The following TK2 variants were observed in gnomAD, a reference collection of about 807,000 sequenced individuals.
TK2 encodes the protein thymidine kinase 2, mitochondrial.
TK2 carries 35 observed loss-of-function variants against 41.9 expected under a neutral mutation model. The ratio of observed to expected loss-of-function variants is 0.84; its 90% CI spans 0.64 to 1.11. The LOEUF is 1.11. Ranked by LOEUF, TK2 falls within the 50% of genes least tolerant of loss-of-function variation. TK2 has a pLI of 0.00. For synonymous variants in TK2, 128 were observed against 129.1 expected, an observed-to-expected ratio of 0.99 and a Z score of 0.06; for missense variants, 320 against 351.1, an observed-to-expected ratio of 0.91 and a Z score of 0.71.
intron 6 of TK2, among the ~76,000 whole-genome samples, chr16:66,525,674 G>C (rs746435001): frequency 2.6e-5 from 4 of 152,188 alleles, no homozygotes; most frequent in Non-Finnish European, 5.9e-5. Context: ...TGCCCACTGA[G>C]AGCCTTTGGC....
intron 1 of TK2, 168 bp from the exon 2 acceptor site, chr16:66,549,177 C>T (rs1965702061): frequency 5.4e-6 from 8 of 1,481,220 alleles, no homozygotes; most frequent in Non-Finnish European, 5.4e-6. Flanking sequence ...CACCGTCTCG[C>T]CGATGTGCCA....
chr16:66,521,973 G>A (rs2144372220), intron 6 of TK2, among the ~76,000 whole-genome samples: 1 of 152,300 alleles, frequency 6.6e-6, no homozygotes, highest in South Asian at 2.1e-4. Flanking sequence ...GAATGGAAGA[G>A]CTCCCTTGTA....
intron 4 of TK2, among the ~76,000 whole-genome samples, chr16:66,534,467 T>A (rs992515574): frequency 1.3e-5 from 2 of 152,218 alleles, no homozygotes; most frequent in African/African-American, 4.8e-5. Context: ...TCCCATTGCA[T>A]GCAGAATGAA....
At chr16:66,541,116 T>C (rs573600780) in intron 3 of TK2, among the ~76,000 whole-genome samples, 22 of 152,354 alleles carry the variant, frequency 1.4e-4, no homozygotes, top group South Asian at 8.3e-4. Flanking sequence ...AAATATTGTA[T>C]AAAATTACCT....
In TK2 at chr16:66,541,906, T is replaced by G. The variant is rs2144460528; in HGVS notation, c.204A>C (p.Glu68Asp). The G allele has an allele frequency of 6.2e-7, 1 of 1,614,130 alleles. No individual in the cohort carries two copies. Among genetic ancestry groups the G allele is most frequent in the Non-Finnish European group, 8.5e-7 (1 of 1,180,012 alleles). Residue 68 changes from glutamate (E) to aspartate (D), a missense_variant, in exon 3 of 10, where the codon GAA (glutamate) becomes GAC (aspartate). Transcript: ENST00000544898. ...NIASGKTTCL[E>D]FFSNATDVEV... ...CGACGTCTGTCGCGTTGGAGAAGAA[T>G]TCCAGGCATGTCGTCTTCCCACTTG... is the stretch of plus-strand genomic sequence containing the variant.
At chr16:66,513,587 G>C (rs1351625630) in intron 9 of TK2, 144 bp downstream of exon 9, 6 of 774,054 alleles carry the variant, frequency 7.8e-6, no homozygotes, top group African/African-American at 6.9e-5. Context: ...CTGGGAGAGA[G>C]AGCACCAGCC....
chr16:66,532,368 T>C (rs777186954), intron 4 of TK2, among the ~76,000 whole-genome samples: 2 of 151,796 alleles, frequency 1.3e-5, no homozygotes, highest in Non-Finnish European at 2.9e-5. Context: ...CTTTGGGAGG[T>C]TGAGGCAGGC....
chr16:66,509,747 A>G lies in TK2; in HGVS notation c.*2221T>C, dbSNP rs3743712. ...CATGACCCCCCAGTGCTCTAAGGACAAGGCCCTGTTGTGCCCATGTGCCAT... is the reference window on the plus strand; with the variant it reads ...CATGACCCCCCAGTGCTCTAAGGACGAGGCCCTGTTGTGCCCATGTGCCAT... On this transcript the variant is annotated 3_prime_UTR_variant, in exon 10 of 10. Transcript: ENST00000544898. The G allele has an allele frequency of 0.13, 19,914 of 152,784 alleles. 2,445 individuals carry two copies. Among genetic ancestry groups the G allele is most frequent in the African/African-American group, 0.32 (13,234 of 41,510 alleles). The allele number at this position is 152,784 out of a possible 1,614,324, so 9.5% of individuals were successfully genotyped here. A position where few individuals can be genotyped will look rare whatever the true frequency, so the allele number is the denominator to read the frequency against.
Position 66,517,664 on chromosome 16 carries a change from T to A in TK2, c.538+125A>T. On this transcript the variant is annotated intron_variant, in intron 7 of 9. Coordinates refer to ENST00000544898, the MANE Select transcript of TK2 (RefSeq NM_004614.5). This position sits in a 1 kb window ranked among gnomAD's most constrained non-coding sequence, Gnocchi z 4.3. ...CCTCAGGGAGAAAGCTGAACTCCCA[T>A]GGGGAAGGAACTGCCAAGGGCAAGT... 2 of 860,122 alleles carry A rather than the reference T, an allele frequency of 2.3e-6. No homozygotes were observed. Among genetic ancestry groups the A allele is most frequent in the Non-Finnish European group, 4.0e-6 (2 of 501,346 alleles). The allele number at this position is 860,122 out of a possible 1,614,324, so 53.3% of individuals were successfully genotyped here. A position where few individuals can be genotyped will look rare whatever the true frequency, so the allele number is the denominator to read the frequency against.
At chr16:66,534,007 C>CAA (rs11383723) in intron 4 of TK2, among the ~76,000 whole-genome samples, 10,888 of 96,296 alleles carry the variant, frequency 0.11, 1,716 homozygotes, top group African/African-American at 0.29. Flanking sequence ...GACTCTGTCT[C>CAA]AAAAAAAAAA....
At chr16:66,532,868 GA>G (rs111641075) in intron 4 of TK2, among the ~76,000 whole-genome samples, 10,771 of 147,860 alleles carry the variant, frequency 0.073, 555 homozygotes, top group South Asian at 0.18. Context: ...CAAAAATAGG[GA>G]AAAAAAAAAT....
At chr16:66,526,306 G>C (rs1196907840) in intron 6 of TK2, among the ~76,000 whole-genome samples, 1 of 152,194 alleles carries the variant, frequency 6.6e-6, no homozygotes, top group African/African-American at 2.4e-5. Context: ...ATGAGAGATG[G>C]GCTCAGAGAA....
chr16:66,528,012 A>G (rs981346592), intron 6 of TK2, among the ~76,000 whole-genome samples: 4 of 152,190 alleles, frequency 2.6e-5, no homozygotes, highest in Non-Finnish European at 5.9e-5. Context: ...AGCTTGGGTG[A>G]TAGAGCCAGA....
At chr16:66,544,541 C>G (rs746708009) in intron 2 of TK2, among the ~76,000 whole-genome samples, 1 of 152,182 alleles carries the variant, frequency 6.6e-6, no homozygotes, top group Non-Finnish European at 1.5e-5. Flanking sequence ...CCAAAGAGCT[C>G]ATGAGTGTGT....
intron 2 of TK2, 57 bp from the exon 3 acceptor site, chr16:66,542,010 G>C: frequency 1.3e-6 from 2 of 1,573,290 alleles, no homozygotes; most frequent in Non-Finnish European, 1.7e-6. Context: ...GGGAATGTCA[G>C]GGAATAATGG....
chr16:66,523,817 A>C (rs1964851873), intron 6 of TK2, among the ~76,000 whole-genome samples: 1 of 152,200 alleles, frequency 6.6e-6, no homozygotes, highest in Non-Finnish European at 1.5e-5. Context: ...ACAGAGCAAG[A>C]TTCTGTCTCA....
At chr16:66,542,181 G>A (rs765370075) in intron 2 of TK2, among the ~76,000 whole-genome samples, 3 of 152,106 alleles carry the variant, frequency 2.0e-5, no homozygotes, top group Admixed American at 6.6e-5. Flanking sequence ...CCCCAGACCA[G>A]ATCCTCCTTT....
rs192400674 is a variant in TK2, at chr16:66,544,044, T to C, written c.157-2091A>G. Among the ~76,000 whole-genome samples the C allele has an allele frequency of 5.3e-5, 8 of 152,340 alleles. No individual in the cohort carries two copies. In the East Asian group the frequency reaches 1.3e-3, roughly 26 times the overall value. On this transcript the variant is annotated intron_variant, in intron 2 of 9. Transcript: ENST00000544898. The stretch of plus-strand genomic sequence containing the variant: ...AAAGAGCTCAACCTAGACATCACTC[T>C]ACAGTCTTTTTTCTTTCCTGTTCAT...
intron 4 of TK2, among the ~76,000 whole-genome samples, chr16:66,532,619 A>T (rs1263027066): frequency 1.3e-5 from 2 of 151,132 alleles, no homozygotes; most frequent in Non-Finnish European, 2.9e-5. Context: ...AAAAAAATAA[A>T]TTAATTAATT....
Sources: allele counts gnomAD v4.1 joint callset (sites outside exome capture counted in the v4.1 genomes callset), GRCh38; gene constraint gnomAD v4.1.1; non-coding constraint Gnocchi (gnomAD v3.1); transcripts MANE v1.5; gene names NCBI Gene and HGNC (gene_info 2026-07-23, HGNC 2026-07-21).